The following ANKRD13C variants were observed in gnomAD, a reference collection of about 807,000 sequenced individuals.
ANKRD13C encodes ankyrin repeat domain-containing protein 13C.
ANKRD13C carries 16 observed loss-of-function variants against 65.5 expected under a neutral mutation model. The ratio of observed to expected loss-of-function variants is 0.24; its 90% confidence interval spans 0.17 to 0.37. The LOEUF (loss-of-function observed/expected upper bound fraction) is 0.37, where lower values mean the gene tolerates loss of function less well. Ranked by LOEUF, ANKRD13C falls within the 10% of genes least tolerant of loss-of-function variation. ANKRD13C has a pLI of 1.00. For synonymous variants in ANKRD13C, 235 were observed against 238.7 expected (o/e 0.98, Z 0.14); for missense variants, 503 against 655.9 (o/e 0.77, Z 2.55).
intron 1 of ANKRD13C, among the ~76,000 whole-genome samples, chr1:70,342,981 T>C (rs1191532386): frequency 6.6e-6 from 1 of 152,184 alleles, no homozygotes; most frequent in Non-Finnish European, 1.5e-5. Context: ...GCCGTGCTCC[T>C]GGATAATTAT....
intron 9 of ANKRD13C, among the ~76,000 whole-genome samples, chr1:70,291,509 C>T (rs1011887845): frequency 2.0e-5 from 3 of 152,210 alleles, no homozygotes; most frequent in African/African-American, 7.2e-5. Flanking sequence ...TTCTCCTCCC[C>T]TTTCCTTACT....
At chr1:70,336,834 T>C (rs965148938) in intron 1 of ANKRD13C, among the ~76,000 whole-genome samples, 5 of 152,152 alleles carry the variant, frequency 3.3e-5, no homozygotes, top group African/African-American at 1.2e-4. Flanking sequence ...AGACAAAGAC[T>C]TGAAAGCTGT....
At position 70,293,658 on chromosome 1, in the gene ANKRD13C, A is replaced by C. The variant is rs74085208; in HGVS notation, c.1054-1109T>G. ...ACAAAGTACAAACAAATAAGACTTT[A>C]AAGCCAACAAATGGACTGCAATGTA... On this transcript the variant is annotated intron_variant, in intron 8 of 12. Transcript: ENST00000370944. 1,793 of 611,252 alleles carry C rather than the reference A, an allele frequency of 2.9e-3. 42 individuals are homozygous for C. In the African/African-American group the frequency reaches 0.033, roughly 11 times the overall value. 37.9% of individuals were successfully genotyped at this position (611,252 alleles called of 1,614,324 possible). A position where few individuals can be genotyped will look rare whatever the true frequency, so the allele number is the denominator to read the frequency against.
At chr1:70,343,193 G>A (rs1682386302) in intron 1 of ANKRD13C, among the ~76,000 whole-genome samples, 1 of 152,162 alleles carries the variant, frequency 6.6e-6, no homozygotes, top group African/African-American at 2.4e-5. Context: ...CTTCTACTAT[G>A]ATGCCAAATA....
intron 2 of ANKRD13C, among the ~76,000 whole-genome samples, chr1:70,329,312 C>T (rs1396657691): frequency 6.6e-6 from 1 of 151,938 alleles, no homozygotes; most frequent in Non-Finnish European, 1.5e-5. Context: ...AGGTGGATCA[C>T]GAGTTCGAGA....
At chr1:70,300,532 G>A (rs978957915) in intron 7 of ANKRD13C, among the ~76,000 whole-genome samples, 1 of 152,026 alleles carries the variant, frequency 6.6e-6, no homozygotes, top group African/African-American at 2.4e-5. Context: ...AGGTTGCAGT[G>A]AGCCTAGATC....
chr1:70,326,328 T>C (rs1249688452), intron 2 of ANKRD13C, among the ~76,000 whole-genome samples: 1 of 149,668 alleles, frequency 6.7e-6, no homozygotes, highest in Non-Finnish European at 1.5e-5. Flanking sequence ...GTCCATTATA[T>C]GCAATTTCTA....
Position 70,315,484 on chromosome 1 carries a change from T to C in ANKRD13C, c.660A>G (p.Lys220=), listed in dbSNP as rs745863223. ...EKRPRLLKAL[K]ELGDFYLELH... ...TTAACAAAGAAATATAGCTTACCTC[T>C]TTCAGGGCTTTTAATAATCGAGGTC... is the stretch of plus-strand genomic sequence containing the variant. Residue 220 remains lysine (K), a synonymous_variant, in exon 4 of 13, where the codon AAA becomes AAG. Coordinates refer to ENST00000370944, the MANE Select transcript of ANKRD13C (RefSeq NM_030816.5). 3.8e-6 allele frequency: 6 copies of C among 1,598,714 alleles called. No individual in the cohort carries two copies. In the Admixed American group the frequency reaches 8.4e-5, roughly 22 times the overall value.
At chr1:70,301,947 A>T (rs1266519906) in intron 6 of ANKRD13C, among the ~76,000 whole-genome samples, 1 of 152,180 alleles carries the variant, frequency 6.6e-6, no homozygotes, top group Non-Finnish European at 1.5e-5. Flanking sequence ...TCACATCCCC[A>T]GGAAGCTCCT....
chr1:70,327,703 T>C lies in ANKRD13C; in HGVS notation c.473-2746A>G, dbSNP rs138693509. 1.9e-3 allele frequency among the ~76,000 whole-genome samples: 292 copies of C among 152,312 alleles called. 2 individuals carry two copies. The highest frequency in any genetic ancestry group is 3.5e-3 in the Non-Finnish European group (241 of 68,028). On this transcript the variant is annotated intron_variant, in intron 2 of 12. Transcript: ENST00000370944. ...GAATATCTGTATTCTTAGAGGTGCA[T>C]GCTGAAGTATTTGGGGGTAAAATGT...
At chr1:70,302,312 G>C (rs147114365) in intron 6 of ANKRD13C, among the ~76,000 whole-genome samples, 2 of 152,086 alleles carry the variant, frequency 1.3e-5, no homozygotes, top group East Asian at 1.9e-4. Context: ...GGGGCGGCGG[G>C]GGGGCGGGGG....
rs1682912628 is a variant in ANKRD13C, at chr1:70,354,491, G to A, written c.-83C>T. On this transcript the variant is annotated 5_prime_UTR_variant, in exon 1 of 13. Transcript: ENST00000370944. ...GCGCTGCGGCGGCACAAGGCGATTA[G>A]AGCGGTGGCCAAGAGCCTCCAGCGC... is the stretch of plus-strand genomic sequence containing the variant. The A allele has an allele frequency of 2.7e-6, 4 of 1,494,412 alleles. No individual in the cohort carries two copies. The highest frequency in any genetic ancestry group is 2.3e-5 in the Admixed American group (1 of 43,158). The allele number at this position is 1,494,412 out of a possible 1,614,324, so 92.6% of individuals were successfully genotyped here. A position where few individuals can be genotyped will look rare whatever the true frequency, so the allele number is the denominator to read the frequency against.
At position 70,319,760 on chromosome 1, in the gene ANKRD13C, A is replaced by T. The variant is rs140210940; in HGVS notation, c.578-4194T>A. On this transcript the variant is annotated intron_variant, in intron 3 of 12. Transcript: ENST00000370944. ...TAAAACCCTTTGAGACAGCTTTAAT[A>T]ACCAAACACCTTGCTAAGAACCTGA... Among the ~76,000 whole-genome samples, 97 of 152,156 alleles carry T rather than the reference A, an allele frequency of 6.4e-4. No individual in the cohort carries two copies. The East Asian group carries it at 0.014, about 22-fold the overall frequency.
chr1:70,325,766 C>T (rs549681490), intron 2 of ANKRD13C, among the ~76,000 whole-genome samples: 3 of 152,200 alleles, frequency 2.0e-5, no homozygotes, highest in African/African-American at 7.2e-5. Flanking sequence ...GTAGTCCCAG[C>T]TAAATGGGAG....
rs1351542362 is a variant in ANKRD13C at position 70,341,130 on chromosome 1, T to G, written c.431-5031A>C. Among the ~76,000 whole-genome samples the G allele has an allele frequency of 3.3e-5, 5 of 152,162 alleles. 1 individual carries two copies. The highest frequency in any genetic ancestry group is 3.3e-4 in the Admixed American group (5 of 15,274). On this transcript the variant is annotated intron_variant, in intron 1 of 12. Transcript: ENST00000370944. ...ATCTCAAAAAACAACTATTGGGATA[T>G]TAACACCATTATACCAACTTTTTTG...
At chr1:70,322,399 A>T (rs1360739354) in intron 3 of ANKRD13C, among the ~76,000 whole-genome samples, 1 of 152,192 alleles carries the variant, frequency 6.6e-6, no homozygotes, top group East Asian at 1.9e-4. Flanking sequence ...ATAAGCACCG[A>T]GCAATTATGG....
chr1:70,279,499 A>C (rs1417751569), intron 9 of ANKRD13C, among the ~76,000 whole-genome samples: 4 of 125,334 alleles, frequency 3.2e-5, no homozygotes, highest in Non-Finnish European at 5.2e-5. Flanking sequence ...ATTTTGAGCT[A>C]CTTTTTTTTT....
Position 70,302,519 on chromosome 1 carries a change from G to A in ANKRD13C, c.777-1611C>T, listed in dbSNP as rs898739930. Among the ~76,000 whole-genome samples, 10 of 144,084 alleles carry A rather than the reference G, an allele frequency of 6.9e-5. 1 individual carries two copies. Among genetic ancestry groups the A allele is most frequent in the African/African-American group, 2.4e-4 (9 of 37,716 alleles). 94.5% of individuals were successfully genotyped at this position (144,084 alleles called of 152,430 possible). On this transcript the variant is annotated intron_variant, in intron 6 of 12. Transcript: ENST00000370944. ...AGGCGGGCGGATCACGAGGTCAGGA[G>A]ATCGAGACCATCCCGGCTAAAACGG...
intron 12 of ANKRD13C, 118 bp from the exon 13 acceptor site, chr1:70,262,965 C>CAAAAAAAAAAAAA (rs1678452328): frequency 1.6e-6 from 1 of 628,694 alleles, no homozygotes; most frequent in African/African-American, 2.4e-5. Flanking sequence ...AAAAAATACT[C>CAAAAAAAAAAAAA]AAGAACCAGA....
Sources: allele counts gnomAD v4.1 joint callset (sites outside exome capture counted in the v4.1 genomes callset), GRCh38; gene constraint gnomAD v4.1.1; transcripts MANE v1.5; gene names NCBI Gene and HGNC (gene_info 2026-07-23, HGNC 2026-07-21).